Variants in ATP8A2 observed in about 807,000 individuals in gnomAD.
ATP8A2 encodes ATPase phospholipid transporting 8A2, also known as phospholipid-transporting ATPase IB.
In ATP8A2, 100 loss-of-function variants were observed where a neutral mutation model predicts 165.6. The observed-to-expected ratio is 0.60, with a 90% CI of 0.51 to 0.71. The LOEUF (loss-of-function observed/expected upper bound fraction) is 0.71, where lower values mean the gene tolerates loss of function less well. Among genes scored for constraint, ATP8A2 ranks in the 30% least tolerant of loss-of-function variants. The probability of loss-of-function intolerance (pLI) is 0.00; values close to 1 mark genes in which losing one functional copy is unlikely to be tolerated. For missense variants in ATP8A2, 1,227 were observed against 1,479.5 expected (o/e 0.83, Z 2.80); for synonymous variants, 543 against 548.8 (o/e 0.99, Z 0.15).
At chr13:25,529,876 G>C (rs986508916) in intron 2 of ATP8A2, 123 bp from the exon 3 acceptor site, 2 of 577,938 alleles carry the variant, frequency 3.5e-6, no homozygotes, top group African/African-American at 3.8e-5. Flanking sequence ...CAATTTCCTT[G>C]TCTTGAGTTT....
intron 2 of ATP8A2, among the ~76,000 whole-genome samples, chr13:25,495,372 G>A (rs2036643848): frequency 6.6e-6 from 1 of 152,122 alleles, no homozygotes; most frequent in Admixed American, 6.5e-5. Flanking sequence ...GTCTTGTGTG[G>A]GCGAGAGCTG....
At chr13:25,934,940 A>AG (rs1294710937) in intron 33 of ATP8A2, among the ~76,000 whole-genome samples, 6 of 152,224 alleles carry the variant, frequency 3.9e-5, no homozygotes, top group Non-Finnish European at 5.9e-5. Flanking sequence ...GGGCAAGACC[A>AG]GGAGTGGACT....
chr13:25,920,462 G>A (rs979169025), intron 33 of ATP8A2, among the ~76,000 whole-genome samples: 4 of 152,082 alleles, frequency 2.6e-5, no homozygotes, highest in African/African-American at 4.8e-5. Context: ...GTGTTCCCCT[G>A]CCCACTTCCT....
intron 24 of ATP8A2, among the ~76,000 whole-genome samples, chr13:25,638,932 A>G (rs533378506): frequency 6.6e-5 from 10 of 152,324 alleles, no homozygotes; most frequent in Admixed American, 2.6e-4. Flanking sequence ...ACAAGCCAGA[A>G]GAGAGTGGGG....
intron 24 of ATP8A2, among the ~76,000 whole-genome samples, chr13:25,654,951 A>T (rs2041894899): frequency 6.6e-6 from 1 of 152,280 alleles, no homozygotes. Flanking sequence ...ATCCAGGGTT[A>T]TGTTAACTGC....
At chr13:25,841,697 C>T (rs1040891978) in intron 30 of ATP8A2, among the ~76,000 whole-genome samples, 2 of 152,174 alleles carry the variant, frequency 1.3e-5, no homozygotes, top group South Asian at 2.1e-4. Context: ...ATATCAATGT[C>T]GGTCTCACCT....
chr13:25,975,191 C>T (rs571607624), intron 35 of ATP8A2, among the ~76,000 whole-genome samples: 2 of 152,182 alleles, frequency 1.3e-5, no homozygotes, highest in African/African-American at 2.4e-5. Context: ...GAACAAATGC[C>T]GTCCACCTCA....
At chr13:25,570,209 AGATGTCGGGGTGGG>A (rs2138173630) in intron 16 of ATP8A2, among the ~76,000 whole-genome samples, 1 of 152,326 alleles carries the variant, frequency 6.6e-6, no homozygotes, top group East Asian at 1.9e-4. Flanking sequence ...TGTATAGAAC[AGATGTCGGGGTGGG>A]GAATGGGAGC....
In ATP8A2 at chr13:25,468,905, C is replaced by G. The variant is rs1465634158; in HGVS notation, c.77-72C>G. 21 of 1,577,010 alleles carry G rather than the reference C, an allele frequency of 1.3e-5. No homozygotes were observed. In the South Asian group the frequency reaches 1.7e-4, roughly 13 times the overall value. ...CGCCGGTGGCCGCCCGCCCGCGGCC[C>G]GCGCTCGCAGCCTCCCGCCTGGCGG... On this transcript the variant is annotated intron_variant, in intron 1 of 36. Coordinates refer to ENST00000381655, the MANE Select transcript of ATP8A2 (RefSeq NM_016529.6).
At chr13:25,780,418 G>T (rs942369817) in intron 27 of ATP8A2, among the ~76,000 whole-genome samples, 3 of 152,052 alleles carry the variant, frequency 2.0e-5, no homozygotes, top group African/African-American at 7.2e-5. Context: ...GGGGATAAAG[G>T]CCAGGAAATG....
intron 1 of ATP8A2, among the ~76,000 whole-genome samples, chr13:25,373,354 A>C (rs2032495484): frequency 6.6e-6 from 1 of 151,560 alleles, no homozygotes; most frequent in African/African-American, 2.4e-5. Flanking sequence ...AGGTAATTTA[A>C]GCCAATGTTT....
At chr13:26,015,934 T>G (rs1430507230) in intron 36 of ATP8A2, among the ~76,000 whole-genome samples, 1 of 152,196 alleles carries the variant, frequency 6.6e-6, no homozygotes, top group Non-Finnish European at 1.5e-5. Context: ...TAGGCAGAGC[T>G]GGGGAGCAGG....
At chr13:25,686,039 TC>T (rs1310776690) in intron 24 of ATP8A2, among the ~76,000 whole-genome samples, 1 of 152,178 alleles carries the variant, frequency 6.6e-6, no homozygotes, top group African/African-American at 2.4e-5. Flanking sequence ...GATTCTGATA[TC>T]CTTGGTGTGA....
chr13:25,586,484 G>C (rs1351264789), intron 23 of ATP8A2, among the ~76,000 whole-genome samples: 1 of 152,200 alleles, frequency 6.6e-6, no homozygotes, highest in Non-Finnish European at 1.5e-5. Context: ...CAAGGCCTCA[G>C]CTCCCTGGTT....
At chr13:25,632,167 G>T (rs1046732639) in intron 24 of ATP8A2, among the ~76,000 whole-genome samples, 3 of 152,182 alleles carry the variant, frequency 2.0e-5, no homozygotes, top group African/African-American at 7.2e-5. Flanking sequence ...ATGGGAAGAG[G>T]CTCAGAGCCT....
chr13:25,610,776 T>C (rs919338316), intron 24 of ATP8A2, among the ~76,000 whole-genome samples: 4 of 151,720 alleles, frequency 2.6e-5, no homozygotes, highest in Non-Finnish European at 5.9e-5. Context: ...CAGCAGTGTT[T>C]TGTATTTGGG....
At chr13:25,723,965 G>A (rs2043439658) in intron 25 of ATP8A2, among the ~76,000 whole-genome samples, 1 of 152,208 alleles carries the variant, frequency 6.6e-6, no homozygotes, top group Admixed American at 6.5e-5. Flanking sequence ...AGATGGAGGA[G>A]AATGCGTGGC....
intron 1 of ATP8A2, among the ~76,000 whole-genome samples, chr13:25,464,746 G>C (rs553929022): frequency 9.2e-5 from 14 of 152,340 alleles, no homozygotes; most frequent in Non-Finnish European, 1.8e-4. Flanking sequence ...AGACAGAGAA[G>C]GGAGCAGCTG....
chr13:25,557,201 T>C (rs527587807), intron 13 of ATP8A2, among the ~76,000 whole-genome samples: 1 of 152,346 alleles, frequency 6.6e-6, no homozygotes, highest in East Asian at 1.9e-4. Flanking sequence ...ATATAAGTGC[T>C]CTAAATTCTT....
Sources: gnomAD v4.1 joint callset for allele counts (sites outside exome capture counted in the v4.1 genomes callset) on GRCh38, gnomAD v4.1.1 for gene constraint, MANE v1.5 for transcripts, NCBI Gene and HGNC (gene_info 2026-07-23, HGNC 2026-07-21) for gene names.